Variants in SMC1A observed in about 807,000 individuals in gnomAD.
The protein encoded by SMC1A is structural maintenance of chromosomes 1A, also known as structural maintenance of chromosomes protein 1A.
In SMC1A, 4 loss-of-function variants were observed where a neutral mutation model predicts 94.5. That is an observed-to-expected ratio of 0.04 (90% CI 0.02 to 0.10). The LOEUF (loss-of-function observed/expected upper bound fraction) is 0.10. Among genes scored for constraint, SMC1A ranks in the 10% least tolerant of loss-of-function variants. The pLI is 1.00. For missense variants in SMC1A, 304 were observed against 989.0 expected (o/e 0.31, Z 9.29); for synonymous variants, 345 against 347.7 (o/e 0.99, Z 0.09).
chrX:53,421,862 G>C (rs2075757788), intron 1 of SMC1A: 2 of 1,171,371 alleles, frequency 1.7e-6, no homozygotes, highest in Admixed American at 2.5e-5. Flanking sequence ...GACGGTTTCG[G>C]TGGTAGGAAA....
Position 53,403,937 on chromosome X carries a change from G to C in SMC1A, c.2197-44C>G, listed in dbSNP as rs1556889283. On this transcript the variant is annotated intron_variant, in intron 13 of 24. Coordinates refer to ENST00000322213, the MANE Select transcript of SMC1A (RefSeq NM_006306.4). ...GAGGACAAAGCAGACCAGGCTCCTTGGAGAAAAAGCTACCTTGACTGCATT... is the reference window on the plus strand; with the variant it reads ...GAGGACAAAGCAGACCAGGCTCCTTCGAGAAAAAGCTACCTTGACTGCATT... 3 of 960,702 alleles carry C rather than the reference G, an allele frequency of 3.1e-6. No individual in the cohort carries two copies. In the East Asian group the frequency reaches 9.2e-5, roughly 29 times the overall value. The allele number at this position is 960,702 out of a possible 1,213,427, so 79.2% of individuals were successfully genotyped here.
At position 53,379,934 on chromosome X, in the gene SMC1A, C is replaced by T. The variant is rs895867380; in HGVS notation, c.*169G>A. On this transcript the variant is annotated 3_prime_UTR_variant, in exon 25 of 25. Coordinates refer to ENST00000322213, the MANE Select transcript of SMC1A (RefSeq NM_006306.4). Reference sequence around the variant, plus strand: ...CCCTGTCGTTCAGGAATTTTTGCTCCAGACCTAACATCACCTCTGTTCCTC... The same window carrying T: ...CCCTGTCGTTCAGGAATTTTTGCTCTAGACCTAACATCACCTCTGTTCCTC... 23 of 470,645 alleles carry T rather than the reference C, an allele frequency of 4.9e-5. No homozygotes were observed. Among genetic ancestry groups the T allele is most frequent in the Non-Finnish European group, 7.6e-6 (2 of 264,288 alleles). 38.8% of individuals were successfully genotyped at this position (470,645 alleles called of 1,213,427 possible). A position where few individuals can be genotyped will look rare whatever the true frequency, so the allele number is the denominator to read the frequency against.
Position 53,409,306 on chromosome X carries a change from G to T in SMC1A, c.1338-37C>A, listed in dbSNP as rs1340106453. ...GGGCACACAGGAGTTACTCCTGCTG[G>T]TGAGAAAATACTCCTGGCTCAGAGA... On this transcript the variant is annotated intron_variant, in intron 8 of 24. Transcript: ENST00000322213. The T allele has an allele frequency of 2.5e-6, 3 of 1,185,366 alleles. No homozygotes were observed. In the South Asian group the frequency reaches 5.3e-5, roughly 21 times the overall value.
At chrX:53,382,979 G>T in intron 20 of SMC1A, 118 bp downstream of exon 20, 1 of 768,592 alleles carries the variant, frequency 1.3e-6, no homozygotes, top group Non-Finnish European at 1.9e-6. Context: ...TAGGGCTCCT[G>T]AGAGTTTTAA....
intron 1 of SMC1A, among the ~76,000 whole-genome samples, chrX:53,416,793 G>A (rs186981946): frequency 1.8e-4 from 20 of 111,101 alleles, no homozygotes; most frequent in Admixed American, 1.7e-3. Flanking sequence ...CTACTGAACT[G>A]CACACTTAAA....
At chrX:53,389,469 G>A (rs896050607) in intron 19 of SMC1A, among the ~76,000 whole-genome samples, 2 of 111,434 alleles carry the variant, frequency 1.8e-5, no homozygotes, top group South Asian at 3.7e-4. Context: ...GGTGGCTCAC[G>A]CCTGTAATCC....
At chrX:53,421,987 G>A in intron 1 of SMC1A, 1 of 1,209,986 alleles carries the variant, frequency 8.3e-7, no homozygotes, top group Non-Finnish European at 1.1e-6. Flanking sequence ...CGCCTCCAGA[G>A]AAGAGTAGAA....
At chrX:53,406,553 C>T (rs2075691788) in intron 9 of SMC1A, among the ~76,000 whole-genome samples, 1 of 112,101 alleles carries the variant, frequency 8.9e-6, no homozygotes, top group African/African-American at 3.2e-5. Flanking sequence ...GCCGAGAACA[C>T]TCCTGGTTTT....
In SMC1A at chrX:53,412,998, G is replaced by A. The variant is rs370671274; in HGVS notation, c.756C>T (p.Asp252=). The A allele has an allele frequency of 5.6e-5, 68 of 1,204,337 alleles. No individual in the cohort carries two copies. Among genetic ancestry groups the A allele is most frequent in the Non-Finnish European group, 7.1e-5 (63 of 890,561 alleles). The change falls in exon 5 of 25, where the codon GAC becomes GAT. Residue 252 remains aspartate, a synonymous_variant. Coordinates refer to ENST00000322213, the MANE Select transcript of SMC1A (RefSeq NM_006306.4). ...CCTCCACCTTGTCCATACGCTTCTT[G>A]TCCTTCTCGATCTCCTTGTTCTTTG... ...LASKNKEIEK[D]KKRMDKVEDE...
chrX:53,411,136 T>C (rs1366094784), intron 7 of SMC1A, among the ~76,000 whole-genome samples: 1 of 109,389 alleles, frequency 9.1e-6, no homozygotes, highest in African/African-American at 3.3e-5. Context: ...AATTACTCTG[T>C]GTTGTAATTT....
chrX:53,421,746 A>C (rs1351232242), intron 1 of SMC1A: 19 of 557,678 alleles, frequency 3.4e-5, no homozygotes, highest in Admixed American at 1.5e-4. Flanking sequence ...GTGAGCATGG[A>C]GTTGGTTTAT....
At position 53,374,898 on chromosome X, in the gene SMC1A, T is replaced by A. The variant is rs1187660245; in HGVS notation, c.*5205A>T. On this transcript the variant is annotated 3_prime_UTR_variant, in exon 25 of 25. Coordinates refer to ENST00000322213, the MANE Select transcript of SMC1A (RefSeq NM_006306.4). ...CTAATTAACGTTCACTTCTTCTGAA[T>A]AGCTCACATTCTGCCTCCCTGAAAG... 1 of 113,141 alleles carries A rather than the reference T, an allele frequency of 8.8e-6. No individual in the cohort carries two copies. Among genetic ancestry groups the A allele is most frequent in the Non-Finnish European group, 1.9e-5 (1 of 53,396 alleles). 9.3% of individuals were successfully genotyped at this position (113,141 alleles called of 1,213,427 possible).
chrX:53,403,171 CAAAAAAAAA>C (rs59213412), intron 15 of SMC1A, among the ~76,000 whole-genome samples: 3 of 30,044 alleles, frequency 1.0e-4, no homozygotes, highest in African/African-American at 3.2e-4. Context: ...GATCCTGTGT[CAAAAAAAAA>C]AAAAAAAAAA....
chrX:53,411,697 A>G, intron 7 of SMC1A, 64 bp downstream of exon 7: 1 of 1,158,560 alleles, frequency 8.6e-7, no homozygotes, highest in Non-Finnish European at 1.2e-6. Flanking sequence ...TGGATTTGGG[A>G]TGCTCAACCT....
intron 19 of SMC1A, among the ~76,000 whole-genome samples, chrX:53,388,768 C>T (rs1283059099): frequency 1.8e-5 from 2 of 109,073 alleles, no homozygotes; most frequent in African/African-American, 3.3e-5. Context: ...GAGGCCGAGG[C>T]GGGTGGATCA....
chrX:53,388,996 C>CA (rs782012322), intron 19 of SMC1A, among the ~76,000 whole-genome samples: 622 of 30,025 alleles, frequency 0.021, 6 homozygotes, highest in East Asian at 0.047. Context: ...GACTCCATCT[C>CA]AAAAAAAAAA....
chrX:53,417,352 G>A (rs1226782590), intron 1 of SMC1A, among the ~76,000 whole-genome samples: 1 of 108,260 alleles, frequency 9.2e-6, no homozygotes, highest in Non-Finnish European at 1.9e-5. Context: ...GGGAGTTCCA[G>A]ACCAGCCTGA....
intron 19 of SMC1A, among the ~76,000 whole-genome samples, chrX:53,383,682 C>A (rs1020064398): frequency 8.9e-6 from 1 of 112,615 alleles, no homozygotes; most frequent in Non-Finnish European, 1.9e-5. Flanking sequence ...TAGATCACTA[C>A]ATTTGAGCAA....
intron 19 of SMC1A, among the ~76,000 whole-genome samples, chrX:53,393,732 TA>T (rs1367552579): frequency 9.0e-6 from 1 of 111,180 alleles, no homozygotes; most frequent in Non-Finnish European, 1.9e-5. Context: ...TTCCATAAGT[TA>T]AAAAAATCAA....
Sources: allele counts gnomAD v4.1 joint callset (sites outside exome capture counted in the v4.1 genomes callset), GRCh38; gene constraint gnomAD v4.1.1; transcripts MANE v1.5; gene names NCBI Gene and HGNC (gene_info 2026-07-23, HGNC 2026-07-21).